The following KCND2 variants were observed in gnomAD, a reference collection of about 807,000 sequenced individuals.
The protein encoded by KCND2 is A-type voltage-gated potassium channel KCND2.
Under a neutral mutation model 54.4 loss-of-function variants are expected in KCND2, and 16 were observed. The ratio of observed to expected loss-of-function variants is 0.29; its 90% CI spans 0.20 to 0.45. The LOEUF is 0.45. Ranked by LOEUF, KCND2 falls within the 20% of genes least tolerant of loss-of-function variation. The probability of loss-of-function intolerance (pLI) is 1.00; values close to 1 mark genes in which losing one functional copy is unlikely to be tolerated. For synonymous variants in KCND2, 317 were observed against 310.7 expected (o/e 1.02, Z -0.21); for missense variants, 486 against 824.2 (o/e 0.59, Z 5.02).
intron 1 of KCND2, among the ~76,000 whole-genome samples, chr7:120,302,689 T>A (rs1272909766): frequency 1.3e-5 from 2 of 152,214 alleles, no homozygotes; most frequent in African/African-American, 4.8e-5. Flanking sequence ...TTATTTCATT[T>A]GTGTCACAAT....
intron 1 of KCND2, among the ~76,000 whole-genome samples, chr7:120,643,209 G>A (rs1373622456): frequency 1.3e-5 from 2 of 152,122 alleles, no homozygotes; most frequent in Non-Finnish European, 2.9e-5. Context: ...AAGGAACTAA[G>A]AATATTAACC....
At chr7:120,339,242 T>C (rs1800202780) in intron 1 of KCND2, among the ~76,000 whole-genome samples, 1 of 151,978 alleles carries the variant, frequency 6.6e-6, no homozygotes, top group African/African-American at 2.4e-5. Flanking sequence ...GTATATAACA[T>C]TGGCTTTCAA....
At chr7:120,340,371 T>C (rs1800223545) in intron 1 of KCND2, among the ~76,000 whole-genome samples, 1 of 152,196 alleles carries the variant, frequency 6.6e-6, no homozygotes, top group South Asian at 2.1e-4. Flanking sequence ...GAAGCCAGCA[T>C]GTTTGTTTCA....
chr7:120,523,347 A>G (rs1045479919), intron 1 of KCND2, among the ~76,000 whole-genome samples: 1 of 151,892 alleles, frequency 6.6e-6, no homozygotes, highest in African/African-American at 2.4e-5. Context: ...TTTCCAGATA[A>G]TTCAGAAAAA....
intron 1 of KCND2, among the ~76,000 whole-genome samples, chr7:120,540,900 A>G (rs1791971857): frequency 1.3e-5 from 2 of 152,238 alleles, no homozygotes; most frequent in South Asian, 4.1e-4. Flanking sequence ...GTAAGAGTGT[A>G]ATGTTAACTT....
chr7:120,603,195 T>C (rs1444472137), intron 1 of KCND2, among the ~76,000 whole-genome samples: 1 of 152,198 alleles, frequency 6.6e-6, no homozygotes, highest in Non-Finnish European at 1.5e-5. Flanking sequence ...TAGAACATAG[T>C]TTGCTATTTC....
At chr7:120,575,456 C>T (rs879812231) in intron 1 of KCND2, among the ~76,000 whole-genome samples, 1 of 152,136 alleles carries the variant, frequency 6.6e-6, no homozygotes, top group Admixed American at 6.5e-5. Context: ...GCCACACTGG[C>T]AGCTGATTAG....
intron 1 of KCND2, among the ~76,000 whole-genome samples, chr7:120,646,351 C>T (rs1045502177): frequency 6.6e-6 from 1 of 152,190 alleles, no homozygotes; most frequent in Non-Finnish European, 1.5e-5. Flanking sequence ...TTCCCAATAG[C>T]TTAGATTTGT....
At chr7:120,617,703 A>G (rs553338290) in intron 1 of KCND2, among the ~76,000 whole-genome samples, 463 of 152,358 alleles carry the variant, frequency 3.0e-3, no homozygotes, top group Middle Eastern at 0.01. Context: ...CCATATGTTC[A>G]TTGCAGTGTT....
rs374547687 is a variant in KCND2 at position 120,275,795 on chromosome 7, C to T, written c.1115+48C>T. On this transcript the variant is annotated intron_variant, in intron 1 of 5. Coordinates refer to ENST00000331113, the MANE Select transcript of KCND2 (RefSeq NM_012281.3). ...GGATGGAGGTTGGGTATGGGTGAGG[C>T]GATTGTGGACCCATCGAGGTTACAT... 8.8e-5 allele frequency: 138 copies of T among 1,572,628 alleles called. No individual in the cohort carries two copies. Among genetic ancestry groups the T allele is most frequent in the Admixed American group, 1.5e-4 (9 of 59,910 alleles).
intron 1 of KCND2, among the ~76,000 whole-genome samples, chr7:120,615,375 G>T (rs1234245598): frequency 1.3e-5 from 2 of 152,124 alleles, no homozygotes; most frequent in Non-Finnish European, 2.9e-5. Context: ...GTTTCTGAAG[G>T]CCAAATGGTC....
rs1363164491 is a variant in KCND2, at chr7:120,359,344, CCT to C, written c.1115+83602_1115+83603del. On this transcript the variant is annotated intron_variant, in intron 1 of 5. Transcript: ENST00000331113. Reference sequence around the variant, plus strand: ...GAGGAAGGAAATTGTTATAAATTTGCCTCTCTGATGGCCTTTGACCTTTTCAT... The same window carrying C: ...GAGGAAGGAAATTGTTATAAATTTGCCTCTGATGGCCTTTGACCTTTTCAT... Among the ~76,000 whole-genome samples the C allele has an allele frequency of 2.0e-5, 3 of 151,960 alleles. No homozygotes were observed. In the East Asian group the frequency reaches 5.8e-4, roughly 29 times the overall value.
intron 1 of KCND2, among the ~76,000 whole-genome samples, chr7:120,693,309 C>T (rs1035247902): frequency 6.6e-6 from 1 of 152,108 alleles, no homozygotes. Context: ...ACTTCCGCTT[C>T]GTACTTAACA....
chr7:120,633,749 C>A (rs1214796398), intron 1 of KCND2, among the ~76,000 whole-genome samples: 2 of 152,160 alleles, frequency 1.3e-5, no homozygotes, highest in Non-Finnish European at 1.5e-5. Context: ...CATTTCGCTA[C>A]TCTGAATTTA....
chr7:120,459,280 G>C (rs529242955), intron 1 of KCND2, among the ~76,000 whole-genome samples: 3 of 152,014 alleles, frequency 2.0e-5, no homozygotes, highest in African/African-American at 7.2e-5. Flanking sequence ...GCTTGTTCTT[G>C]GCTCTTATTG....
Position 120,685,890 on chromosome 7 carries a change from G to A in KCND2, c.1116-47013G>A, listed in dbSNP as rs534911301. Among the ~76,000 whole-genome samples the A allele has an allele frequency of 5.9e-5, 9 of 152,224 alleles. No individual in the cohort carries two copies. In the East Asian group the frequency reaches 1.5e-3, roughly 26 times the overall value. ...AACCCTGGTGGGCAGAAGTTGTCCTGTGAAATCTGTTTCTGCCTTTATCTA... is the reference window on the plus strand; with the variant it reads ...AACCCTGGTGGGCAGAAGTTGTCCTATGAAATCTGTTTCTGCCTTTATCTA... On this transcript the variant is annotated intron_variant, in intron 1 of 5. Coordinates refer to ENST00000331113, the MANE Select transcript of KCND2 (RefSeq NM_012281.3).
At chr7:120,659,399 C>T (rs944450125) in intron 1 of KCND2, among the ~76,000 whole-genome samples, 1 of 152,188 alleles carries the variant, frequency 6.6e-6, no homozygotes, top group African/African-American at 2.4e-5. Context: ...ACCATGCAGT[C>T]TCCTTGACTA....
intron 1 of KCND2, among the ~76,000 whole-genome samples, chr7:120,609,887 C>T (rs773092163): frequency 6.6e-6 from 1 of 152,104 alleles, no homozygotes; most frequent in African/African-American, 2.4e-5. Flanking sequence ...CACCCTTTAA[C>T]CATAAGTGAA....
rs376662178 is a variant in KCND2 at position 120,619,109 on chromosome 7, G to A, written c.1116-113794G>A. On this transcript the variant is annotated intron_variant, in intron 1 of 5. Coordinates refer to ENST00000331113, the MANE Select transcript of KCND2 (RefSeq NM_012281.3). The stretch of plus-strand genomic sequence containing the variant: ...CTACATAAGTAGACTTATCTTAAAT[G>A]TTTGTTGAATGACTGAATGAAGAAT... Among the ~76,000 whole-genome samples, 60 of 152,320 alleles carry A rather than the reference G, an allele frequency of 3.9e-4. 2 individuals are homozygous for A. Among genetic ancestry groups the A allele is most frequent in the African/African-American group, 1.4e-3 (59 of 41,562 alleles).
Sources: gnomAD v4.1 joint callset for allele counts (sites outside exome capture counted in the v4.1 genomes callset) on GRCh38, gnomAD v4.1.1 for gene constraint, MANE v1.5 for transcripts, NCBI Gene and HGNC (gene_info 2026-07-23, HGNC 2026-07-21) for gene names.